TENM2: variants seen among roughly 807,000 people sequenced by gnomAD.
TENM2 encodes teneurin transmembrane protein 2.
A neutral mutation model predicts 245.2 loss-of-function variants in TENM2; 52 were observed. The observed-to-expected ratio is 0.21, with a 90% confidence interval of 0.17 to 0.27. The LOEUF (loss-of-function observed/expected upper bound fraction) is 0.27. Among genes scored for constraint, TENM2 ranks in the 10% least tolerant of loss-of-function variants. TENM2 has a pLI of 1.00. For missense variants in TENM2, 3,046 were observed against 3,666.8 expected (o/e 0.83, Z 4.37); for synonymous variants, 1,363 against 1,438.9 (o/e 0.95, Z 1.19).
At chr5:167,025,387 C>G in the TENM2 span, among the ~76,000 whole-genome samples, 1 of 152,054 alleles carries the variant, frequency 6.6e-6, no homozygotes, top group Non-Finnish European at 1.5e-5. Context: ...TTTATAGTTA[C>G]AAAAGTAGAT....
chr5:167,306,026 G>C (rs188151604), intron 1 of TENM2, among the ~76,000 whole-genome samples: 24 of 152,162 alleles, frequency 1.6e-4, no homozygotes, highest in Middle Eastern at 3.2e-3. Context: ...TGCAAAAATG[G>C]TGAGAGTGGA....
At chr5:167,455,991 A>C (rs903171310) in intron 2 of TENM2, among the ~76,000 whole-genome samples, 1 of 152,180 alleles carries the variant, frequency 6.6e-6, no homozygotes, top group Non-Finnish European at 1.5e-5. Flanking sequence ...ATGAATTTTG[A>C]ATGAATTTTG....
At chr5:166,987,966 T>C in the TENM2 span, among the ~76,000 whole-genome samples, 7 of 152,186 alleles carry the variant, frequency 4.6e-5, no homozygotes, top group Non-Finnish European at 1.0e-4. Flanking sequence ...TGGGATTTAC[T>C]TTCCAAAACT....
chr5:167,435,256 C>T (rs2127449835), intron 2 of TENM2, among the ~76,000 whole-genome samples: 1 of 152,324 alleles, frequency 6.6e-6, no homozygotes, highest in East Asian at 1.9e-4. Flanking sequence ...CAAGTCTCAT[C>T]TTGAACTGTA....
intron 2 of TENM2, among the ~76,000 whole-genome samples, chr5:167,467,077 G>A (rs940934654): frequency 6.6e-6 from 1 of 152,104 alleles, no homozygotes; most frequent in African/African-American, 2.4e-5. Flanking sequence ...CACTGTTATG[G>A]CTTGGTAGTA....
At chr5:166,983,385 C>CT in the TENM2 span, among the ~76,000 whole-genome samples, 1 of 152,118 alleles carries the variant, frequency 6.6e-6, no homozygotes, top group Non-Finnish European at 1.5e-5. Flanking sequence ...CAGACTTTCA[C>CT]TGGCCCACCT....
intron 6 of TENM2, among the ~76,000 whole-genome samples, chr5:168,052,228 A>G (rs1562099252): frequency 6.6e-6 from 1 of 152,044 alleles, no homozygotes; most frequent in Non-Finnish European, 1.5e-5. Context: ...TCTACTAAAA[A>G]TACAAAAAAA....
intron 2 of TENM2, among the ~76,000 whole-genome samples, chr5:167,674,829 A>G (rs547218986): frequency 5.1e-4 from 78 of 152,250 alleles, no homozygotes; most frequent in African/African-American, 1.6e-3. Flanking sequence ...TTGTGTTTCT[A>G]TACTAGCTGG....
chr5:168,023,750 G>C (rs780159589), intron 5 of TENM2, among the ~76,000 whole-genome samples: 4 of 152,126 alleles, frequency 2.6e-5, no homozygotes, highest in Non-Finnish European at 5.9e-5. Context: ...ACACACTACT[G>C]CATTTGCCTG....
At chr5:168,184,886 A>G (rs1016498821) in intron 13 of TENM2, among the ~76,000 whole-genome samples, 1 of 152,240 alleles carries the variant, frequency 6.6e-6, no homozygotes, top group Non-Finnish European at 1.5e-5. Flanking sequence ...ACGGCTGACA[A>G]AAACCTATAG....
At chr5:168,154,274 G>A (rs1346766714) in intron 12 of TENM2, among the ~76,000 whole-genome samples, 1 of 151,736 alleles carries the variant, frequency 6.6e-6, no homozygotes, top group Admixed American at 6.6e-5. Context: ...GTGAAGTGGT[G>A]CGATCTTGGC....
the TENM2 span, among the ~76,000 whole-genome samples, chr5:167,255,368 G>A: frequency 9.8e-4 from 149 of 152,106 alleles, no homozygotes; most frequent in African/African-American, 3.5e-3. Flanking sequence ...ATCAAAAATT[G>A]CACCTATTGT....
At chr5:167,445,336 T>TATATAGAGAGAG (rs368881390) in intron 2 of TENM2, among the ~76,000 whole-genome samples, 143 of 77,248 alleles carry the variant, frequency 1.9e-3, no homozygotes, top group East Asian at 3.2e-3. Context: ...TATATATATA[T>TATATAGAGAGAG]AGAGAGAGAG....
chr5:167,104,301 G>T, the TENM2 span, among the ~76,000 whole-genome samples: 1 of 152,142 alleles, frequency 6.6e-6, no homozygotes, highest in Non-Finnish European at 1.5e-5. Flanking sequence ...TTTGGGCTGG[G>T]AAGGGTCATT....
At chr5:167,182,110 C>T in the TENM2 span, among the ~76,000 whole-genome samples, 23 of 152,188 alleles carry the variant, frequency 1.5e-4, no homozygotes, top group Middle Eastern at 3.4e-3. Flanking sequence ...AATTTAAATA[C>T]GTAGTAAAAC....
At chr5:167,501,044 T>A (rs1769180641) in intron 2 of TENM2, among the ~76,000 whole-genome samples, 1 of 152,198 alleles carries the variant, frequency 6.6e-6, no homozygotes, top group Non-Finnish European at 1.5e-5. Flanking sequence ...TTTATGTTTC[T>A]TGTTTTCCTC....
At position 167,698,679 on chromosome 5, in the gene TENM2, G is replaced by T. The variant is rs111986427; in HGVS notation, c.503-177307G>T. Among the ~76,000 whole-genome samples the T allele has an allele frequency of 3.9e-3, 382 of 97,702 alleles. 2 individuals carry two copies. The highest frequency in any genetic ancestry group is 8.9e-3 in the African/African-American group (210 of 23,720). 64.1% of individuals were successfully genotyped at this position (97,702 alleles called of 152,430 possible). A position where few individuals can be genotyped will look rare whatever the true frequency, so the allele number is the denominator to read the frequency against. ...GTGTGTGTGTTTTGTTTTGTTTTTT[G>T]TTTTTTTTTTTTTTTTTTTTTTGAG... is the stretch of plus-strand genomic sequence containing the variant. On this transcript the variant is annotated intron_variant, in intron 2 of 28. Coordinates refer to ENST00000518659, the Ensembl canonical transcript of TENM2.
chr5:167,514,369 T>C (rs1770169792), intron 2 of TENM2, among the ~76,000 whole-genome samples: 1 of 152,176 alleles, frequency 6.6e-6, no homozygotes, highest in South Asian at 2.1e-4. Flanking sequence ...CAGCACTTCC[T>C]AAGCTCTCTG....
chr5:168,162,536 C>T, intron 12 of TENM2, 75 bp from the exon 15 acceptor site: 3 of 1,534,572 alleles, frequency 2.0e-6, no homozygotes, highest in South Asian at 2.4e-5. Context: ...GCCTTGCTCC[C>T]CTCTGCATGG....
Sources: allele counts gnomAD v4.1 joint callset (sites outside exome capture counted in the v4.1 genomes callset), GRCh38; gene constraint gnomAD v4.1.1; transcripts MANE v1.5; gene names NCBI Gene and HGNC (gene_info 2026-07-23, HGNC 2026-07-21).